Variants in SCFD2 observed in about 807,000 individuals in gnomAD.
The protein encoded by SCFD2 is sec1 family domain-containing protein 2.
SCFD2 carries 54 observed loss-of-function variants against 58.9 expected under a neutral mutation model. The ratio of observed to expected loss-of-function variants is 0.92; its 90% CI spans 0.74 to 1.15. The LOEUF (loss-of-function observed/expected upper bound fraction) is 1.15, where lower values mean the gene tolerates loss of function less well. SCFD2 is among the 50% of genes most tolerant of loss of function. The pLI is 0.00. For synonymous variants in SCFD2, 321 were observed against 335.9 expected (o/e 0.96, Z 0.49); for missense variants, 805 against 836.6 (o/e 0.96, Z 0.47).
chr4:53,030,563 C>T (rs1205957161), intron 5 of SCFD2, among the ~76,000 whole-genome samples: 1 of 152,124 alleles, frequency 6.6e-6, no homozygotes, highest in Admixed American at 6.5e-5. Context: ...CCTGCGACTA[C>T]AGACGCATGC....
intron 4 of SCFD2, among the ~76,000 whole-genome samples, chr4:53,248,172 T>C (rs970664901): frequency 7.2e-5 from 11 of 152,170 alleles, no homozygotes; most frequent in African/African-American, 2.4e-4. Flanking sequence ...AGACGGCACC[T>C]TGAAAATCGG....
At chr4:53,196,175 C>A (rs547206464) in intron 4 of SCFD2, among the ~76,000 whole-genome samples, 18 of 152,236 alleles carry the variant, frequency 1.2e-4, no homozygotes, top group African/African-American at 4.3e-4. Context: ...GGCACAGAGT[C>A]TTTTGACTCC....
intron 4 of SCFD2, among the ~76,000 whole-genome samples, chr4:53,258,876 C>T (rs2072948657): frequency 1.3e-5 from 2 of 151,934 alleles, no homozygotes; most frequent in Non-Finnish European, 2.9e-5. Context: ...TCACCACATC[C>T]ACACCAATAT....
chr4:53,119,201 C>T (rs1725407873), intron 5 of SCFD2, among the ~76,000 whole-genome samples: 2 of 152,064 alleles, frequency 1.3e-5, no homozygotes, highest in Non-Finnish European at 2.9e-5. Context: ...GCCTGTAATC[C>T]CAGCTACTCA....
chr4:53,218,001 C>T (rs1439936198), intron 4 of SCFD2, among the ~76,000 whole-genome samples: 2 of 152,312 alleles, frequency 1.3e-5, no homozygotes, highest in Middle Eastern at 3.4e-3. Context: ...AGCGTTTCTG[C>T]CAAGAGATCT....
chr4:53,274,833 A>G (rs1248119823), intron 3 of SCFD2, among the ~76,000 whole-genome samples: 1 of 152,206 alleles, frequency 6.6e-6, no homozygotes, highest in Non-Finnish European at 1.5e-5. Flanking sequence ...GCTCTTGGAC[A>G]TCGGATTCTC....
At chr4:53,106,405 G>T (rs1577732362) in intron 5 of SCFD2, among the ~76,000 whole-genome samples, 2 of 152,086 alleles carry the variant, frequency 1.3e-5, no homozygotes, top group Non-Finnish European at 2.9e-5. Flanking sequence ...TTCAGAAGGT[G>T]GGTAATAAGA....
At chr4:53,050,249 T>C (rs1214315395) in intron 5 of SCFD2, among the ~76,000 whole-genome samples, 3 of 152,152 alleles carry the variant, frequency 2.0e-5, no homozygotes, top group Non-Finnish European at 4.4e-5. Context: ...CCCCCAATAA[T>C]GGTGGACAAA....
intron 4 of SCFD2, among the ~76,000 whole-genome samples, chr4:53,181,741 G>GA (rs547404141): frequency 6.6e-6 from 1 of 152,278 alleles, no homozygotes; most frequent in African/African-American, 2.4e-5. Flanking sequence ...TGACATGATT[G>GA]AATATCTAGA....
chr4:52,892,437 G>T (rs559595940), intron 7 of SCFD2, among the ~76,000 whole-genome samples: 89 of 152,216 alleles, frequency 5.8e-4, no homozygotes, highest in Non-Finnish European at 1.0e-3. Flanking sequence ...TGGCACTTCA[G>T]TGTTTCTGGT....
At chr4:53,248,606 T>C (rs1330994113) in intron 4 of SCFD2, among the ~76,000 whole-genome samples, 3 of 152,224 alleles carry the variant, frequency 2.0e-5, no homozygotes, top group East Asian at 3.9e-4. Context: ...CTCAAGTGGG[T>C]CCCTGACCCC....
intron 6 of SCFD2, among the ~76,000 whole-genome samples, chr4:52,917,578 C>T (rs1218671259): frequency 6.6e-6 from 1 of 152,168 alleles, no homozygotes; most frequent in Non-Finnish European, 1.5e-5. Context: ...CTGTCTCCAG[C>T]CTTGGTGAGA....
intron 4 of SCFD2, among the ~76,000 whole-genome samples, chr4:53,154,013 C>T (rs962464496): frequency 3.3e-5 from 5 of 152,256 alleles, no homozygotes; most frequent in South Asian, 2.1e-4. Flanking sequence ...ACTATTGAAC[C>T]ACTCTCTAAT....
chr4:53,033,301 T>C (rs1722667029), intron 5 of SCFD2, among the ~76,000 whole-genome samples: 1 of 151,926 alleles, frequency 6.6e-6, no homozygotes, highest in Admixed American at 6.6e-5. Flanking sequence ...CCAGAATCTC[T>C]AGGACACATT....
chr4:52,935,413 G>A (rs1720111393), intron 5 of SCFD2, among the ~76,000 whole-genome samples: 1 of 152,204 alleles, frequency 6.6e-6, no homozygotes, highest in Non-Finnish European at 1.5e-5. Context: ...GTTGGCTCCT[G>A]ATCAACACCT....
At position 53,352,757 on chromosome 4, in the gene SCFD2, C is replaced by A. The variant is rs79025139; in HGVS notation, c.848G>T (p.Gly283Val). 8.7e-3 allele frequency: 14,023 copies of A among 1,613,382 alleles called. 79 individuals carry two copies. Among genetic ancestry groups the A allele is most frequent in the Non-Finnish European group, 0.01 (11,999 of 1,179,502 alleles). Reference sequence around the variant, plus strand: ...CTCTACTAAGTTGTCTCCATGATGTCCAACTGCTCCTGTTTAAGCAGACAA... The same window carrying A: ...CTCTACTAAGTTGTCTCCATGATGTACAACTGCTCCTGTTTAAGCAGACAA... ...DRTLDLTGAV[G>V]HHGDNLVEKI... Residue 283 changes from glycine to valine, a missense_variant, in exon 2 of 9, where the codon GGA becomes GTA. Transcript: ENST00000401642.
chr4:53,235,881 C>T (rs1441560088), intron 4 of SCFD2, among the ~76,000 whole-genome samples: 1 of 152,132 alleles, frequency 6.6e-6, no homozygotes, highest in Admixed American at 6.5e-5. Context: ...GGAGTAAATA[C>T]TGAATAACCA....
At chr4:52,978,862 G>T (rs1721309435) in intron 5 of SCFD2, among the ~76,000 whole-genome samples, 1 of 150,130 alleles carries the variant, frequency 6.7e-6, no homozygotes, top group African/African-American at 2.4e-5. Context: ...ATAAGGTAAA[G>T]CAGGGAAAAA....
chr4:53,114,867 GAT>G (rs1175010196), intron 5 of SCFD2, among the ~76,000 whole-genome samples: 2 of 152,052 alleles, frequency 1.3e-5, no homozygotes, highest in African/African-American at 4.8e-5. Flanking sequence ...GAGATTTAGA[GAT>G]ATATGAGTAA....
Sources: gnomAD v4.1 joint callset for allele counts (sites outside exome capture counted in the v4.1 genomes callset) on GRCh38, gnomAD v4.1.1 for gene constraint, MANE v1.5 for transcripts, NCBI Gene and HGNC (gene_info 2026-07-23, HGNC 2026-07-21) for gene names.